The following TTN variants were observed in gnomAD, a reference collection of about 807,000 sequenced individuals.
The protein encoded by TTN is connectin.
A neutral mutation model predicts 3,223.0 loss-of-function variants in TTN; 1,525 were observed. The observed-to-expected ratio is 0.47, with a 90% CI of 0.45 to 0.49. The LOEUF is 0.49. Ranked by LOEUF, TTN falls within the 20% of genes least tolerant of loss-of-function variation. TTN has a pLI of 0.00. For missense variants in TTN, 40,786 were observed against 43,424.0 expected (o/e 0.94, Z 5.40); for synonymous variants, 14,094 against 15,161.0 (o/e 0.93, Z 5.17).
At position 178,554,573 on chromosome 2, in the gene TTN, T is replaced by G; in HGVS notation, c.88774A>C (p.Ile29592Leu). ...TTGATAATTTTGGTGGTTGTAATGA[T>G]GCACTCTTCCAAATGTTCAGACACC... is the stretch of plus-strand genomic sequence containing the variant. The part of the protein sequence containing the change: ...SMVSEHLEEC[I>L]ITTTKIIKGN... Residue 29592 changes from isoleucine to leucine, a missense_variant, in exon 332 of 363, where the codon ATC (isoleucine) becomes CTC (leucine). Coordinates refer to ENST00000589042, the MANE Select transcript of TTN (RefSeq NM_001267550.2). 1 of 1,613,906 alleles carries G rather than the reference T, an allele frequency of 6.2e-7. No homozygotes were observed. Among genetic ancestry groups the G allele is most frequent in the South Asian group, 1.1e-5 (1 of 91,078 alleles).
rs1467214576 is a variant in TTN, at chr2:178,527,764, G to C, written c.107378-16C>G. The C allele has an allele frequency of 1.3e-6, 2 of 1,551,090 alleles. No individual in the cohort carries two copies. The highest frequency in any genetic ancestry group is 2.7e-5 in the African/African-American group (2 of 72,980). On this transcript the variant is annotated splice_polypyrimidine_tract_variant and intron_variant, in intron 361 of 362. Coordinates refer to ENST00000589042, the MANE Select transcript of TTN (RefSeq NM_001267550.2). ...TCAACTAGAGCTGTGGAGCATAGCA[G>C]ATACACAGTGAACATCAATGACATC...
intron 208 of TTN, among the ~76,000 whole-genome samples, 199 bp downstream of exon 208, chr2:178,651,044 C>A (rs2062853390): frequency 1.3e-5 from 2 of 151,990 alleles, no homozygotes; most frequent in Admixed American, 1.3e-4. Flanking sequence ...GTAAACTTTT[C>A]CAATGCTTGT....
intron 13 of TTN, among the ~76,000 whole-genome samples, chr2:178,786,749 A>T (rs758585037): frequency 1.3e-5 from 2 of 152,242 alleles, no homozygotes; most frequent in Non-Finnish European, 2.9e-5. Flanking sequence ...TTCTTAAAAC[A>T]CACAGATGAC....
At position 178,572,796 on chromosome 2, in the gene TTN, G is replaced by A. The variant is rs189768015; in HGVS notation, c.73336C>T (p.Leu24446=). 1,504 of 1,613,462 alleles carry A rather than the reference G, an allele frequency of 9.3e-4. 4 individuals carry two copies. The highest frequency in any genetic ancestry group is 5.1e-3 in the Middle Eastern group (31 of 6,052). ...KVVTIRACCT[L]RLFVPIKGRP... ...CCTTTGATGGGAACAAAAAGTCTCA[G>A]GGTGCAGCAGGCCCTTATAGTAACA... is the stretch of plus-strand genomic sequence containing the variant. The change falls in exon 326 of 363, where the codon CTG becomes TTG. Residue 24446 remains leucine (L), a synonymous_variant. Transcript: ENST00000589042.
chr2:178,707,314 G>A (rs1218019567), intron 100 of TTN, among the ~76,000 whole-genome samples: 1 of 152,218 alleles, frequency 6.6e-6, no homozygotes, highest in African/African-American at 2.4e-5. Flanking sequence ...GAAATAGGGT[G>A]GTAAACTTGT....
chr2:178,545,568 C>CA lies in TTN; in HGVS notation c.95541dup (p.Glu31848Ter). 6.2e-7 allele frequency: 1 copy of CA among 1,613,742 alleles called. No individual in the cohort carries two copies. Among genetic ancestry groups the CA allele is most frequent in the Non-Finnish European group, 8.5e-7 (1 of 1,179,716 alleles). On this transcript the variant is annotated frameshift_variant, in exon 344 of 363. Coordinates refer to ENST00000589042, the MANE Select transcript of TTN (RefSeq NM_001267550.2). LOFTEE classifies it high-confidence loss of function. ...CGTGTCCAGCGCAGGCTCTTCTTCTCACGTTTGTCTACTAGGTAGTTGCTG... is the reference window on the plus strand; with the variant it reads ...CGTGTCCAGCGCAGGCTCTTCTTCTCAACGTTTGTCTACTAGGTAGTTGCTG...
Position 178,559,838 on chromosome 2 carries a change from ATCAAGG to A in TTN, c.86288_86293del (p.Thr28763_Leu28764del). 1 of 1,611,008 alleles carries A rather than the reference ATCAAGG, an allele frequency of 6.2e-7. No homozygotes were observed. Among genetic ancestry groups the A allele is most frequent in the Non-Finnish European group, 8.5e-7 (1 of 1,179,676 alleles). The stretch of plus-strand genomic sequence containing the variant: ...GGTAAATGAGGCACCAGCCTTGACA[ATCAAGG>A]TCTTCCTCATTTCACTGTCAATATC... On this transcript the variant is annotated inframe_deletion, in exon 326 of 363. Transcript: ENST00000589042.
rs371193038 is a variant in TTN, at chr2:178,672,143, A to G, written c.35055T>C (p.His11685=). Residue 11685 remains histidine (H), a synonymous_variant, in exon 155 of 363, where the codon CAT becomes CAC. Transcript: ENST00000589042. The part of the protein sequence containing the change: ...VEEIPEEEEF[H]EVEEYFEEGE... The stretch of plus-strand genomic sequence containing the variant: ...CTTCTTCAAAATATTCTTCAACTTC[A>G]TGGAACTCTTCTTCTTCCGGAATTT... 4 of 1,607,088 alleles carry G rather than the reference A, an allele frequency of 2.5e-6. No individual in the cohort carries two copies. The highest frequency in any genetic ancestry group is 1.3e-5 in the African/African-American group (1 of 74,750).
chr2:178,552,252 G>A lies in TTN; in HGVS notation c.90648C>T (p.Pro30216=). ...LDNAVCRIAV[P]ITVITLGPPS... Reference sequence around the variant, plus strand: ...GTGGGCCAAGGGTGATGACTGTAATGGGGACTGCAATTCTACACACTGCAT... The same window carrying A: ...GTGGGCCAAGGGTGATGACTGTAATAGGGACTGCAATTCTACACACTGCAT... The change falls in exon 335 of 363, where the codon CCC becomes CCT. Residue 30216 remains proline (P), a synonymous_variant. Coordinates refer to ENST00000589042, the MANE Select transcript of TTN (RefSeq NM_001267550.2). 6.2e-7 allele frequency: 1 copy of A among 1,613,474 alleles called. No homozygotes were observed. Among genetic ancestry groups the A allele is most frequent in the Non-Finnish European group, 8.5e-7 (1 of 1,179,670 alleles).
intron 152 of TTN, 130 bp from the exon 153 acceptor site, chr2:178,672,833 C>T (rs1209737559): frequency 7.7e-6 from 5 of 645,268 alleles, no homozygotes; most frequent in Non-Finnish European, 1.0e-5. Context: ...TGTGGGACAT[C>T]CATTTTAGAG....
rs1476692496 is a variant in TTN, at chr2:178,712,031, C to T, written c.27799G>A (p.Val9267Ile). The change falls in exon 96 of 363, where the codon GTT (valine) becomes ATT (isoleucine). Residue 9267 changes from valine (V) to isoleucine (I), a missense_variant. By Grantham distance (29) the Val-to-Ile change is conservative. Coordinates refer to ENST00000589042, the MANE Select transcript of TTN (RefSeq NM_001267550.2). ...TATTCTCCACTATCATTAATATCAA[C>T]CTGGTTGAAAACCAGTGTAGCAACA... Reference protein sequence around the residue: ...NNVATLVFNQVDINDSGEYIC... With the variant: ...NNVATLVFNQIDINDSGEYIC... 6.2e-7 allele frequency: 1 copy of T among 1,613,656 alleles called. No homozygotes were observed. The highest frequency in any genetic ancestry group is 8.5e-7 in the Non-Finnish European group (1 of 1,179,770).
chr2:178,583,542 A>G lies in TTN; in HGVS notation c.65575+65T>C, dbSNP rs112358293. On this transcript the variant is annotated intron_variant, in intron 312 of 362. Transcript: ENST00000589042. Reference sequence around the variant, plus strand: ...TCCTTAGGTGTATATTTAGTTTTTTATTAGGAAAAATGACCATCATGAATG... The same window carrying G: ...TCCTTAGGTGTATATTTAGTTTTTTGTTAGGAAAAATGACCATCATGAATG... 4.2e-6 allele frequency: 6 copies of G among 1,425,048 alleles called. No individual in the cohort carries two copies. In the East Asian group the frequency reaches 1.5e-4, roughly 35 times the overall value. 88.3% of individuals were successfully genotyped at this position (1,425,048 alleles called of 1,614,324 possible). A position where few individuals can be genotyped will look rare whatever the true frequency, so the allele number is the denominator to read the frequency against.
intron 278 of TTN, among the ~76,000 whole-genome samples, chr2:178,605,985 A>G (rs1269159585): frequency 2.0e-5 from 3 of 152,012 alleles, no homozygotes; most frequent in South Asian, 4.1e-4. Context: ...TAGATTGTTT[A>G]CCTTTGTAAC....
chr2:178,563,880 T>A lies in TTN; in HGVS notation c.82252A>T (p.Thr27418Ser). 1.9e-6 allele frequency: 3 copies of A among 1,613,690 alleles called. No homozygotes were observed. The highest frequency in any genetic ancestry group is 2.5e-6 in the Non-Finnish European group (3 of 1,179,714). ...GCCTGTACCTCAGTTGAAACCTGGG[T>A]CCAAGAGAGTCGGCTTGTCTCCCTC... ...EKRETSRLSWTQVSTEVQALN... is the reference protein window; with the variant it reads ...EKRETSRLSWSQVSTEVQALN... The change falls in exon 326 of 363, where the codon ACC becomes TCC. Residue 27418 changes from threonine to serine, a missense_variant. Physicochemically the swap from Thr to Ser is moderately conservative, Grantham distance 58 (BLOSUM62 1). Coordinates refer to ENST00000589042, the MANE Select transcript of TTN (RefSeq NM_001267550.2). The surrounding 1 kb of genome is among the most constrained non-coding windows in gnomAD (Gnocchi z 4.5).
chr2:178,792,229 T>TGGC (rs1574893109), intron 9 of TTN, 32 bp from the exon 10 acceptor site: 4 of 1,587,328 alleles, frequency 2.5e-6, no homozygotes, highest in Non-Finnish European at 8.5e-7. Flanking sequence ...AAAACTTTAT[T>TGGC]TCCTGATGCC....
Position 178,718,607 on chromosome 2 carries a change from G to A in TTN, c.24506-7C>T, listed in dbSNP as rs1232513327. Reference sequence around the variant, plus strand: ...TTCACAAAGGTGGCTGGTTCTATAAGGAGAAAACATGTGGGTAAAATTCTT... The same window carrying A: ...TTCACAAAGGTGGCTGGTTCTATAAAGAGAAAACATGTGGGTAAAATTCTT... On this transcript the variant is annotated splice_region_variant and splice_polypyrimidine_tract_variant and intron_variant, in intron 84 of 362. Coordinates refer to ENST00000589042, the MANE Select transcript of TTN (RefSeq NM_001267550.2). 5 of 1,607,700 alleles carry A rather than the reference G, an allele frequency of 3.1e-6. No individual in the cohort carries two copies. In the African/African-American group the frequency reaches 4.0e-5, roughly 13 times the overall value.
chr2:178,684,859 A>G (rs375547091), intron 130 of TTN, 47 bp downstream of exon 130: 2 of 1,547,826 alleles, frequency 1.3e-6, no homozygotes, highest in African/African-American at 1.4e-5. Context: ...GTATCAATTT[A>G]AGATTAAAAA....
In TTN at chr2:178,544,074, C is replaced by CA. The variant is rs878854432; in HGVS notation, c.96069dup (p.Val32024CysfsTer31). 1.2e-6 allele frequency: 2 copies of CA among 1,613,314 alleles called. No individual in the cohort carries two copies. The highest frequency in any genetic ancestry group is 1.7e-6 in the Non-Finnish European group (2 of 1,179,456). The stretch of plus-strand genomic sequence containing the variant: ...AAGGAGGCCCCAGCCCTGATGGTCA[C>CA]AGTCTTCTTTAGATCATCTGCAAGC... On this transcript the variant is annotated frameshift_variant, in exon 346 of 363. Transcript: ENST00000589042. LOFTEE classifies it high-confidence loss of function.
rs76637809 is a variant in TTN at position 178,744,580 on chromosome 2, G to A, written c.11312-2659C>T. On this transcript the variant is annotated intron_variant, in intron 47 of 362. Transcript: ENST00000589042. ...ATTGAATGCTTATTAAGCTATATTC[G>A]TTTTAAAGATGAAATTCAGTGAAAC... 2,019 of 914,910 alleles carry A rather than the reference G, an allele frequency of 2.2e-3. 22 individuals carry two copies. The African/African-American group carries it at 0.027, about 12-fold the overall frequency. The allele number at this position is 914,910 out of a possible 1,614,324, so 56.7% of individuals were successfully genotyped here. A position where few individuals can be genotyped will look rare whatever the true frequency, so the allele number is the denominator to read the frequency against.
Sources: allele counts gnomAD v4.1 joint callset (sites outside exome capture counted in the v4.1 genomes callset), GRCh38; gene constraint gnomAD v4.1.1; non-coding constraint Gnocchi (gnomAD v3.1); transcripts MANE v1.5; gene names NCBI Gene and HGNC (gene_info 2026-07-23, HGNC 2026-07-21).